The following CPLANE1 variants were observed in gnomAD, a reference collection of about 807,000 sequenced individuals.
The protein encoded by CPLANE1 is ciliogenesis and planar polarity effector 1.
Under a neutral mutation model 362.5 loss-of-function variants are expected in CPLANE1, and 263 were observed. That is an observed-to-expected ratio of 0.73 (90% CI 0.66 to 0.80). The LOEUF is 0.80. Among genes scored for constraint, CPLANE1 ranks in the 30% least tolerant of loss-of-function variants. CPLANE1 has a pLI of 0.00. For synonymous variants in CPLANE1, 1,212 were observed against 1,302.6 expected, an observed-to-expected ratio of 0.93 and a Z score of 1.50; for missense variants, 3,461 against 3,793.4, an observed-to-expected ratio of 0.91 and a Z score of 2.30.
intron 41 of CPLANE1, among the ~76,000 whole-genome samples, chr5:37,154,929 T>C (rs201676618): frequency 6.6e-6 from 1 of 152,250 alleles, no homozygotes; most frequent in East Asian, 1.9e-4. Context: ...GCTCAGCAAA[T>C]AGCACCACCG....
At position 37,169,417 on chromosome 5, in the gene CPLANE1, G is replaced by T. The variant is rs773750881; in HGVS notation, c.6607C>A (p.Pro2203Thr). The T allele has an allele frequency of 1.9e-6, 3 of 1,614,182 alleles. No homozygotes were observed. The highest frequency in any genetic ancestry group is 2.2e-5 in the East Asian group (1 of 44,868). ...GNTHLYLLSTPSVVQKAPRLI... is the reference protein window; with the variant it reads ...GNTHLYLLSTTSVVQKAPRLI... ...CTAGGTGCCTTCTGAACAACAGAAGGTGTGGACAAAAGGTAGAGGTGAGTA... is the reference window on the plus strand; with the variant it reads ...CTAGGTGCCTTCTGAACAACAGAAGTTGTGGACAAAAGGTAGAGGTGAGTA... The change falls in exon 34 of 53, where the codon CCT (proline) becomes ACT (threonine). Residue 2203 changes from proline (P) to threonine (T), a missense_variant. This residue lies in a region of CPLANE1 where 3,380 missense variants were observed against 3,666.1 expected (regional missense o/e 0.92). Coordinates refer to ENST00000651892, the MANE Select transcript of CPLANE1 (RefSeq NM_001384732.1).
intron 36 of CPLANE1, 114 bp downstream of exon 36, chr5:37,165,425 A>C: frequency 1.0e-6 from 1 of 955,768 alleles, no homozygotes; most frequent in Non-Finnish European, 1.6e-6. Context: ...TGATATGAAG[A>C]TCCTCCTAGT....
rs547567922 is a variant in CPLANE1 at position 37,157,958 on chromosome 5, A to T, written c.7813-90T>A. The T allele has an allele frequency of 4.8e-3, 3,633 of 762,348 alleles. 32 individuals carry two copies. The highest frequency in any genetic ancestry group is 6.0e-3 in the Non-Finnish European group (3,086 of 513,952). 47.2% of individuals were successfully genotyped at this position (762,348 alleles called of 1,614,324 possible). On this transcript the variant is annotated intron_variant, in intron 39 of 52. Transcript: ENST00000651892. ...AAAAAAAAAAAAAAAAAAAAAAAAA[A>T]GGCTTAATTCTTCATTCTTATTAAA...
chr5:37,128,678 G>A lies in CPLANE1; in HGVS notation c.8793-3269C>T, dbSNP rs192243217. ...GCTCAAGACCAGCCTGGCCAACATG[G>A]CAAAAACCCATCTCTATTAAAAATG... On this transcript the variant is annotated intron_variant, in intron 46 of 52. Transcript: ENST00000651892. 7.2e-5 allele frequency among the ~76,000 whole-genome samples: 11 copies of A among 152,054 alleles called. No homozygotes were observed. The East Asian group carries it at 1.9e-3, about 27-fold the overall frequency.
chr5:37,118,218 A>AC (rs779778469), intron 50 of CPLANE1, among the ~76,000 whole-genome samples: 105 of 151,594 alleles, frequency 6.9e-4, no homozygotes, highest in African/African-American at 1.7e-3. Flanking sequence ...ACACAGCAAG[A>AC]CCCCCCATCT....
the CPLANE1 span, chr5:37,085,482 G>A: frequency 2.4e-6 from 2 of 817,412 alleles, no homozygotes; most frequent in Non-Finnish European, 4.4e-6. Flanking sequence ...GACTCATGAT[G>A]CTCACAGCAT....
At chr5:37,136,088 C>G (rs919427986) in intron 46 of CPLANE1, among the ~76,000 whole-genome samples, 1 of 152,130 alleles carries the variant, frequency 6.6e-6, no homozygotes, top group African/African-American at 2.4e-5. Flanking sequence ...ACGGTCTTAA[C>G]TCATTCTAGC....
chr5:37,129,886 C>T (rs536771296), intron 46 of CPLANE1, among the ~76,000 whole-genome samples: 1 of 152,296 alleles, frequency 6.6e-6, no homozygotes, highest in East Asian at 1.9e-4. Context: ...AGCAATCCCA[C>T]TACTGGGTAT....
At chr5:37,211,972 A>C in intron 16 of CPLANE1, 2 of 916,126 alleles carry the variant, frequency 2.2e-6, no homozygotes, top group Non-Finnish European at 1.8e-6. Context: ...CCAAGTGTAG[A>C]TCAGAAACAA....
intron 50 of CPLANE1, among the ~76,000 whole-genome samples, chr5:37,117,812 G>C (rs2150028559): frequency 6.6e-6 from 1 of 152,344 alleles, no homozygotes; most frequent in African/African-American, 2.4e-5. Context: ...GAGATTAACG[G>C]AAAGACGGGC....
chr5:37,218,327 T>C (rs1455296875), intron 15 of CPLANE1, among the ~76,000 whole-genome samples: 3 of 152,192 alleles, frequency 2.0e-5, no homozygotes, highest in Admixed American at 6.5e-5. Flanking sequence ...CCCTGAGCAC[T>C]GAGGTTCTAA....
At chr5:37,128,856 C>CA (rs1468840993) in intron 46 of CPLANE1, among the ~76,000 whole-genome samples, 117 of 140,380 alleles carry the variant, frequency 8.3e-4, no homozygotes, top group African/African-American at 1.1e-3. Flanking sequence ...CAAAAAAAAC[C>CA]AAAAAAAAAC....
At chr5:37,093,603 G>T in the CPLANE1 span, among the ~76,000 whole-genome samples, 1 of 152,214 alleles carries the variant, frequency 6.6e-6, no homozygotes, top group African/African-American at 2.4e-5. Context: ...GACTAGCAGA[G>T]AATGTTGCTA....
At chr5:37,217,726 T>C (rs1275265582) in intron 15 of CPLANE1, among the ~76,000 whole-genome samples, 1 of 148,512 alleles carries the variant, frequency 6.7e-6, no homozygotes, top group East Asian at 2.1e-4. Context: ...CCTGTAATCC[T>C]AGCACTTTGG....
At chr5:37,150,245 G>A (rs1302184984) in intron 42 of CPLANE1, among the ~76,000 whole-genome samples, 1 of 152,144 alleles carries the variant, frequency 6.6e-6, no homozygotes, top group African/African-American at 2.4e-5. Flanking sequence ...TATGACTTCA[G>A]ACTGTTCTCA....
At chr5:37,182,519 C>T (rs1449287368) in intron 26 of CPLANE1, among the ~76,000 whole-genome samples, 2 of 152,074 alleles carry the variant, frequency 1.3e-5, no homozygotes, top group African/African-American at 2.4e-5. Context: ...TATCTCCTTC[C>T]TTTTTTTCTT....
intron 2 of CPLANE1, chr5:37,246,323 C>G (rs957830929): frequency 6.6e-6 from 1 of 152,112 alleles, no homozygotes; most frequent in South Asian, 2.1e-4. Flanking sequence ...GTTACCCCAG[C>G]CCCTTGATCT....
At chr5:37,114,170 G>A (rs1036454566) in intron 51 of CPLANE1, among the ~76,000 whole-genome samples, 5 of 152,106 alleles carry the variant, frequency 3.3e-5, no homozygotes, top group African/African-American at 1.2e-4. Context: ...TTCTTTCAAT[G>A]GGGATAACTG....
Position 37,239,867 on chromosome 5 carries a change from G to T in CPLANE1, c.680C>A (p.Ser227Ter), listed in dbSNP as rs1367255493. 4 of 1,463,226 alleles carry T rather than the reference G, an allele frequency of 2.7e-6. No individual in the cohort carries two copies. Among genetic ancestry groups the T allele is most frequent in the African/African-American group, 1.4e-5 (1 of 70,366 alleles). The allele number at this position is 1,463,226 out of a possible 1,614,324, so 90.6% of individuals were successfully genotyped here. Reference protein sequence around the residue: ...WHENVFTSVRSLPYHVHWAQQ... With the variant: ...WHENVFTSVR ...AGCCCAATGAACATGGTATGGCAAT[G>T]ATCTAAAAAAGTAATGAAATAATTG... is the stretch of plus-strand genomic sequence containing the variant. The change falls in exon 7 of 53, where the codon TCA (serine) becomes TAA (stop). Residue 227 changes from serine to a stop codon, truncating the protein, a stop_gained and splice_region_variant. Transcript: ENST00000651892. LOFTEE classifies it high-confidence loss of function.
Sources: allele counts gnomAD v4.1 joint callset (sites outside exome capture counted in the v4.1 genomes callset), GRCh38; gene constraint gnomAD v4.1.1; regional missense constraint gnomAD v4.1.1; transcripts MANE v1.5; gene names NCBI Gene and HGNC (gene_info 2026-07-23, HGNC 2026-07-21).